GGA3: variants seen among roughly 807,000 people sequenced by gnomAD.
GGA3 encodes the protein ADP-ribosylation factor-binding protein GGA3.
A neutral mutation model predicts 77.5 loss-of-function variants in GGA3; 57 were observed. That is an observed-to-expected ratio of 0.74 (90% CI 0.59 to 0.92). GGA3 has a LOEUF of 0.92. GGA3 is among the 40% of genes least tolerant of loss of function. The probability of loss-of-function intolerance (pLI) is 0.00; values close to 1 mark genes in which losing one functional copy is unlikely to be tolerated. For synonymous variants in GGA3, 416 were observed against 383.7 expected (o/e 1.08, Z -0.98); for missense variants, 970 against 914.9 (o/e 1.06, Z -0.78).
rs756735786 is a variant in GGA3, at chr17:75,238,632, C to G, written c.2061+20G>C. Reference sequence around the variant, plus strand: ...CAGCTGGGGCCTCAGGCTGGGACCCCTGGGTTCTTTGCTGCTCACCTTCAG... The same window carrying G: ...CAGCTGGGGCCTCAGGCTGGGACCCGTGGGTTCTTTGCTGCTCACCTTCAG... On this transcript the variant is annotated intron_variant, in intron 16 of 16. Transcript: ENST00000537686. 1.3e-6 allele frequency: 2 copies of G among 1,569,642 alleles called. No individual in the cohort carries two copies. The highest frequency in any genetic ancestry group is 2.2e-5 in the East Asian group (1 of 44,690).
At chr17:75,255,036 G>A (rs1226684293) in intron 1 of GGA3, among the ~76,000 whole-genome samples, 5 of 152,296 alleles carry the variant, frequency 3.3e-5, no homozygotes, top group East Asian at 1.9e-4. Context: ...TCGGCTTAAC[G>A]GCTGAAGACT....
intron 1 of GGA3, among the ~76,000 whole-genome samples, chr17:75,248,461 T>C (rs1453425794): frequency 3.4e-4 from 2 of 5,830 alleles, no homozygotes; most frequent in Admixed American, 3.9e-3. Flanking sequence ...ACAGCGAGAC[T>C]CCGTCTCAAA....
At position 75,246,592 on chromosome 17, in the gene GGA3, A is replaced by T; in HGVS notation, c.126-8T>A. The stretch of plus-strand genomic sequence containing the variant: ...CGGACGGCGATCTGTGGCCTGGGGG[A>T]CAAGCAGAACACACTCCAGTGCACT... On this transcript the variant is annotated splice_region_variant and splice_polypyrimidine_tract_variant and intron_variant, in intron 2 of 16. Transcript: ENST00000537686. 6.2e-7 allele frequency: 1 copy of T among 1,612,472 alleles called. No homozygotes were observed. The highest frequency in any genetic ancestry group is 8.5e-7 in the Non-Finnish European group (1 of 1,178,706).
chr17:75,237,052 TC>T lies in GGA3; in HGVS notation c.*1226del. On this transcript the variant is annotated 3_prime_UTR_variant, in exon 17 of 17. Coordinates refer to ENST00000537686, the MANE Select transcript of GGA3 (RefSeq NM_138619.4). ...CTTGTTCACCTGGGCTCCGCAAGCT[TC>T]CCCCGTGTCTATGGCAGCTGGTGAT... The T allele has an allele frequency of 4.7e-6, 1 of 214,910 alleles. No homozygotes were observed. Among genetic ancestry groups the T allele is most frequent in the Non-Finnish European group, 9.4e-6 (1 of 106,080 alleles). 13.3% of individuals were successfully genotyped at this position (214,910 alleles called of 1,614,324 possible).
intron 1 of GGA3, among the ~76,000 whole-genome samples, chr17:75,251,341 A>G (rs555395439): frequency 0.02 from 290 of 14,402 alleles, 5 homozygotes; most frequent in African/African-American, 0.054. Flanking sequence ...CAATACATGA[A>G]AAAAAAAAAA....
Position 75,242,361 on chromosome 17 carries a change from G to T in GGA3, c.722C>A (p.Ser241Ter). The T allele has an allele frequency of 6.2e-7, 1 of 1,614,174 alleles. No homozygotes were observed. Among genetic ancestry groups the T allele is most frequent in the East Asian group, 2.2e-5 (1 of 44,886 alleles). The change falls in exon 8 of 17, where the codon TCG becomes TAG. Residue 241 changes from serine to a stop codon, truncating the protein, a stop_gained. Transcript: ENST00000537686. LOFTEE classifies it high-confidence loss of function. ...MLLHYSQEDS[S>*]DGDRELMKEL... ...CTTCATCAGCTCTCTGTCCCCGTCC[G>T]AAGAGTCCTCCTGGCTGTAATGAAG...
At position 75,242,810 on chromosome 17, in the gene GGA3, G is replaced by A. The variant is rs201420444; in HGVS notation, c.609+21C>T. On this transcript the variant is annotated intron_variant, in intron 7 of 16. Transcript: ENST00000537686. Reference sequence around the variant, plus strand: ...CCATGGGCTCCTCCACCCCGTGCCTGAAGGACCGGGGCCCACTCACTTCCT... The same window carrying A: ...CCATGGGCTCCTCCACCCCGTGCCTAAAGGACCGGGGCCCACTCACTTCCT... 54 of 1,585,610 alleles carry A rather than the reference G, an allele frequency of 3.4e-5. No individual in the cohort carries two copies. The Admixed American group carries it at 7.2e-4, about 21-fold the overall frequency.
At chr17:75,251,840 T>C (rs574271006) in intron 1 of GGA3, among the ~76,000 whole-genome samples, 1 of 151,130 alleles carries the variant, frequency 6.6e-6, no homozygotes, top group South Asian at 2.1e-4. Context: ...GGTGCGATCA[T>C]GGCTTCACTG....
chr17:75,239,942 G>T lies in GGA3; in HGVS notation c.1430C>A (p.Pro477His). The T allele has an allele frequency of 6.3e-7, 1 of 1,589,726 alleles. No homozygotes were observed. The highest frequency in any genetic ancestry group is 1.3e-5 in the African/African-American group (1 of 74,242). Residue 477 changes from proline to histidine, a missense_variant, in exon 13 of 17, where the codon CCC (proline) becomes CAC (histidine). Pro to His is a moderately conservative substitution (Grantham distance 77, BLOSUM62 -2). Coordinates refer to ENST00000537686, the MANE Select transcript of GGA3 (RefSeq NM_138619.4). ...AGAAAACAAGGAGGAGCCCGCACTG[G>T]GGGCAGGAACACTGGCTGGGACCAC... The part of the protein sequence containing the change: ...APVVPASVPA[P>H]SAGSSLFSTG...
chr17:75,256,714 C>T (rs2077163515), intron 1 of GGA3, among the ~76,000 whole-genome samples: 1 of 152,064 alleles, frequency 6.6e-6, no homozygotes, highest in African/African-American at 2.4e-5. Flanking sequence ...TCTACTACTC[C>T]TCAGGGATTA....
At chr17:75,242,625 T>A in intron 7 of GGA3, 152 bp from the exon 8 acceptor site, 2 of 956,194 alleles carry the variant, frequency 2.1e-6, no homozygotes, top group Non-Finnish European at 3.2e-6. Context: ...ACTTCTGCTT[T>A]CACAACACTG....
upstream of GGA3, chr17:75,261,725 G>T: frequency 2.6e-6 from 3 of 1,136,312 alleles, no homozygotes; most frequent in Non-Finnish European, 2.5e-6. Flanking sequence ...GATACAGGGA[G>T]GGCAAGGGTT....
In GGA3 at chr17:75,238,290, C is replaced by A. The variant is rs1017467557; in HGVS notation, c.2161G>T (p.Gly721Trp). The A allele has an allele frequency of 1.2e-6, 2 of 1,613,652 alleles. No homozygotes were observed. The change falls in exon 17 of 17, where the codon GGG becomes TGG. Residue 721 changes from glycine (G) to tryptophan (W), a missense_variant. Physicochemically the swap from Gly to Trp is radical, Grantham distance 184. Coordinates refer to ENST00000537686, the MANE Select transcript of GGA3 (RefSeq NM_138619.4). ...VDQFPPVEQW[G>W]NL Reference sequence around the variant, plus strand: ...AGCGTCCTCTGGGGTCATAGGTTCCCCCACTGTTCCACAGGAGGGAACTGG... The same window carrying A: ...AGCGTCCTCTGGGGTCATAGGTTCCACCACTGTTCCACAGGAGGGAACTGG...
At chr17:75,262,057 C>T, upstream of GGA3, 3 of 1,541,414 alleles carry the variant, frequency 1.9e-6, no homozygotes, top group Non-Finnish European at 2.6e-6. Flanking sequence ...CGCGTGGGCC[C>T]CTAGAGAGAG....
rs1225727001 is a variant in GGA3 at position 75,242,452 on chromosome 17, C to A, written c.631G>T (p.Val211Leu). ...VKEDEARIQK[V>L]TKRLHTLEEV... ...TCTAACGTGTGCAGACGCTTGGTCA[C>A]CTTCTGGATCCGTGCCTCGTCCTGC... Residue 211 changes from valine (V) to leucine (L), a missense_variant, in exon 8 of 17, where the codon GTG becomes TTG. Val to Leu is a conservative substitution (Grantham distance 32, BLOSUM62 1). Coordinates refer to ENST00000537686, the MANE Select transcript of GGA3 (RefSeq NM_138619.4). 2.5e-6 allele frequency: 4 copies of A among 1,614,092 alleles called. No homozygotes were observed. The highest frequency in any genetic ancestry group is 3.4e-6 in the Non-Finnish European group (4 of 1,179,970).
rs151238693 is a variant in GGA3 at position 75,245,981 on chromosome 17, G to A, written c.201+528C>T. 2.1e-3 allele frequency among the ~76,000 whole-genome samples: 326 copies of A among 152,334 alleles called. 1 individual carries two copies. The highest frequency in any genetic ancestry group is 7.7e-3 in the African/African-American group (318 of 41,560). ...CGGCTGCTCTTTGTTTTCGGAGCAT[G>A]TGGAGGCACTGAGGGCCAGGCACCA... is the stretch of plus-strand genomic sequence containing the variant. On this transcript the variant is annotated intron_variant, in intron 3 of 16. Coordinates refer to ENST00000537686, the MANE Select transcript of GGA3 (RefSeq NM_138619.4).
At chr17:75,248,468 C>CAAAAAAAAAAAAAAAAAAAAAAAAA (rs59182526) in intron 1 of GGA3, among the ~76,000 whole-genome samples, 1 of 19,758 alleles carries the variant, frequency 5.1e-5, no homozygotes, top group African/African-American at 1.9e-4. Flanking sequence ...GACTCCGTCT[C>CAAAAAAAAAAAAAAAAAAAAAAAAA]AAAAAAAAAA....
In GGA3 at chr17:75,239,897, A is replaced by C. The variant is rs1413075272; in HGVS notation, c.1475T>G (p.Leu492Trp). 2 of 1,613,462 alleles carry C rather than the reference A, an allele frequency of 1.2e-6. No homozygotes were observed. The highest frequency in any genetic ancestry group is 3.3e-5 in the Admixed American group (2 of 59,934). ...SLFSTGVAPA[L>W]APKVEPAVPG... ...GACTGCGGGCTCAACTTTTGGGGCC[A>C]AGGCTGGGGCCACTCCAGTAGAAAA... Residue 492 changes from leucine to tryptophan, a missense_variant, in exon 13 of 17, where the codon TTG becomes TGG. Leu to Trp is a moderately conservative substitution (Grantham distance 61, BLOSUM62 -2). Coordinates refer to ENST00000537686, the MANE Select transcript of GGA3 (RefSeq NM_138619.4).
Position 75,239,839 on chromosome 17 carries a change from G to A in GGA3, c.1533C>T (p.Ser511=), listed in dbSNP as rs370354784. Residue 511 remains serine (S), a synonymous_variant, in exon 13 of 17, where the codon AGC becomes AGT. Coordinates refer to ENST00000537686, the MANE Select transcript of GGA3 (RefSeq NM_138619.4). ...CGAGGGCATCCAGGTGGTGCAGCGCGCTGTTGCCCAACGCCAAGCCATGGT... is the reference window on the plus strand; with the variant it reads ...CGAGGGCATCCAGGTGGTGCAGCGCACTGTTGCCCAACGCCAAGCCATGGT... ...PGHHGLALGN[S]ALHHLDALDQ... is the part of the protein sequence containing the mutation. 105 of 1,613,836 alleles carry A rather than the reference G, an allele frequency of 6.5e-5. No homozygotes were observed. Among genetic ancestry groups the A allele is most frequent in the African/African-American group, 1.1e-4 (8 of 74,936 alleles).
Sources: gnomAD v4.1 joint callset for allele counts (sites outside exome capture counted in the v4.1 genomes callset) on GRCh38, gnomAD v4.1.1 for gene constraint, MANE v1.5 for transcripts, NCBI Gene and HGNC (gene_info 2026-07-23, HGNC 2026-07-21) for gene names.